Variants in NIM1K observed in about 807,000 individuals in gnomAD.
NIM1K encodes NIM1 serine/threonine protein kinase.
A neutral mutation model predicts 37.1 loss-of-function variants in NIM1K; 35 were observed. That is an observed-to-expected ratio of 0.94 (90% CI 0.72 to 1.25). The LOEUF (loss-of-function observed/expected upper bound fraction) is 1.25. Ranked by LOEUF, NIM1K falls within the 50% of genes most tolerant of loss-of-function variation. The pLI is 0.00. For missense variants in NIM1K, 564 were observed against 548.0 expected (o/e 1.03, Z -0.29); for synonymous variants, 234 against 206.6 (o/e 1.13, Z -1.14).
chr5:43,252,264 T>G (rs181047210), intron 2 of NIM1K, among the ~76,000 whole-genome samples: 13 of 152,368 alleles, frequency 8.5e-5, no homozygotes, highest in Admixed American at 8.5e-4. Flanking sequence ...TCCCACTGTG[T>G]GGGTGTGGGT....
In NIM1K at chr5:43,228,449, A is replaced by T. The variant is rs900844414; in HGVS notation, c.-694-16633A>T. 4.0e-5 allele frequency among the ~76,000 whole-genome samples: 6 copies of T among 151,850 alleles called. 1 individual carries two copies. The highest frequency in any genetic ancestry group is 6.4e-3 in the Middle Eastern group (2 of 314). On this transcript the variant is annotated intron_variant, in intron 1 of 3. Transcript: ENST00000326035. The stretch of plus-strand genomic sequence containing the variant: ...GCCTGAGCCACCGCACCCGGCCGAG[A>T]CCTGTTTTATTGTAAATAAACATAA...
At chr5:43,272,911 T>C (rs897884627) in intron 2 of NIM1K, among the ~76,000 whole-genome samples, 1 of 152,104 alleles carries the variant, frequency 6.6e-6, no homozygotes, top group African/African-American at 2.4e-5. Context: ...GGATTCACCA[T>C]CCCCACTAAC....
At chr5:43,260,847 G>C (rs962628832) in intron 2 of NIM1K, among the ~76,000 whole-genome samples, 40 of 152,242 alleles carry the variant, frequency 2.6e-4, no homozygotes, top group Middle Eastern at 3.4e-3. Flanking sequence ...ACCTATGAGT[G>C]AGAACATTCG....
At chr5:43,261,538 A>C (rs1014788281) in intron 2 of NIM1K, among the ~76,000 whole-genome samples, 5 of 151,496 alleles carry the variant, frequency 3.3e-5, no homozygotes, top group African/African-American at 4.9e-5. Context: ...GATTGCAAAA[A>C]TTTTCTCCCA....
chr5:43,213,235 T>G (rs1481416223), intron 1 of NIM1K, among the ~76,000 whole-genome samples: 1 of 149,668 alleles, frequency 6.7e-6, no homozygotes, highest in Non-Finnish European at 1.5e-5. Flanking sequence ...CCTTCTTTTC[T>G]TCCTTTCTTT....
At chr5:43,211,254 G>C (rs1752200226) in intron 1 of NIM1K, among the ~76,000 whole-genome samples, 1 of 152,142 alleles carries the variant, frequency 6.6e-6, no homozygotes, top group Non-Finnish European at 1.5e-5. Flanking sequence ...GGGGTGGAAA[G>C]GAATTCTGTT....
intron 2 of NIM1K, among the ~76,000 whole-genome samples, chr5:43,269,686 T>G (rs1290390585): frequency 6.6e-6 from 1 of 152,096 alleles, no homozygotes; most frequent in African/African-American, 2.4e-5. Flanking sequence ...TGGCGAGATC[T>G]CTGCTCACTG....
chr5:43,273,198 T>A (rs188355168), intron 2 of NIM1K, among the ~76,000 whole-genome samples: 1 of 150,250 alleles, frequency 6.7e-6, no homozygotes, highest in African/African-American at 2.5e-5. Flanking sequence ...CTTGCCAGAG[T>A]GCTTTTTTTT....
chr5:43,232,770 G>T (rs1489948133), intron 1 of NIM1K: 2 of 1,131,058 alleles, frequency 1.8e-6, no homozygotes, highest in Non-Finnish European at 2.6e-6. Flanking sequence ...AAAACAAGAA[G>T]CCTTGGCGAT....
intron 2 of NIM1K, among the ~76,000 whole-genome samples, chr5:43,250,086 T>C (rs1010972133): frequency 5.3e-5 from 8 of 151,946 alleles, no homozygotes; most frequent in Non-Finnish European, 2.9e-5. Flanking sequence ...TCTCCTGACC[T>C]CGTGATCTGC....
chr5:43,256,085 G>A lies in NIM1K; in HGVS notation c.292+10018G>A, dbSNP rs139773942. On this transcript the variant is annotated intron_variant, in intron 2 of 3. Transcript: ENST00000326035. ...TTACAGGAGCCATCAGAAGGAACTG[G>A]GGATTTCACAAAGGGAACCAGGGAT... Among the ~76,000 whole-genome samples the A allele has an allele frequency of 2.8e-4, 42 of 152,170 alleles. No individual in the cohort carries two copies. In the East Asian group the frequency reaches 8.0e-3, roughly 29 times the overall value.
chr5:43,267,543 G>C (rs144246363), intron 2 of NIM1K, among the ~76,000 whole-genome samples: 428 of 152,220 alleles, frequency 2.8e-3, no homozygotes, highest in African/African-American at 9.1e-3. Flanking sequence ...TGCGATGTTA[G>C]GGTGTCAAGT....
chr5:43,224,469 A>C (rs72752594), intron 1 of NIM1K, among the ~76,000 whole-genome samples: 22,000 of 151,528 alleles, frequency 0.15, 1,916 homozygotes, highest in Middle Eastern at 0.22. Flanking sequence ...GATTTGTTTT[A>C]CTGTGGAACT....
At chr5:43,262,514 C>T (rs1022796849) in intron 2 of NIM1K, among the ~76,000 whole-genome samples, 2 of 152,100 alleles carry the variant, frequency 1.3e-5, no homozygotes, top group Non-Finnish European at 2.9e-5. Context: ...GCGGCTGAGA[C>T]GATGGGGTTT....
intron 1 of NIM1K, among the ~76,000 whole-genome samples, chr5:43,217,401 T>C (rs1258149494): frequency 6.6e-6 from 1 of 151,376 alleles, no homozygotes; most frequent in African/African-American, 2.4e-5. Context: ...TTCCACTTTT[T>C]GGCTACTATA....
intron 1 of NIM1K, among the ~76,000 whole-genome samples, chr5:43,210,175 G>C (rs926554888): frequency 7.9e-5 from 12 of 151,822 alleles, no homozygotes; most frequent in African/African-American, 2.9e-4. Flanking sequence ...GGGGAAGGGA[G>C]GAGAGAGGAA....
intron 2 of NIM1K, among the ~76,000 whole-genome samples, chr5:43,273,018 C>G (rs879405649): frequency 6.6e-6 from 1 of 152,104 alleles, no homozygotes; most frequent in Non-Finnish European, 1.5e-5. Context: ...GGACCTGTGT[C>G]AGACTTCTCA....
intron 2 of NIM1K, among the ~76,000 whole-genome samples, chr5:43,270,672 A>G (rs1451555131): frequency 6.6e-6 from 1 of 152,196 alleles, no homozygotes; most frequent in Non-Finnish European, 1.5e-5. Flanking sequence ...GTGACCAGAA[A>G]TTCAAAGTGA....
At position 43,245,895 on chromosome 5, in the gene NIM1K, A is replaced by T; in HGVS notation, c.120A>T (p.Gly40=). The part of the protein sequence containing the change: ...QTESSKEGEE[G]QPRQLTPFEK... ...AGAGTAGCAAGGAGGGTGAGGAGGGACAGCCCCGCCAGCTGACGCCCTTCG... is the reference window on the plus strand; with the variant it reads ...AGAGTAGCAAGGAGGGTGAGGAGGGTCAGCCCCGCCAGCTGACGCCCTTCG... Residue 40 remains glycine (G), a synonymous_variant, in exon 2 of 4, where the codon GGA becomes GGT. Coordinates refer to ENST00000326035, the MANE Select transcript of NIM1K (RefSeq NM_153361.4). 2 of 1,614,124 alleles carry T rather than the reference A, an allele frequency of 1.2e-6. No homozygotes were observed. The highest frequency in any genetic ancestry group is 1.7e-6 in the Non-Finnish European group (2 of 1,180,018).
Sources: allele counts gnomAD v4.1 joint callset (sites outside exome capture counted in the v4.1 genomes callset), GRCh38; gene constraint gnomAD v4.1.1; transcripts MANE v1.5; gene names NCBI Gene and HGNC (gene_info 2026-07-23, HGNC 2026-07-21).